The following SV2C variants were observed in gnomAD, a reference collection of about 807,000 sequenced individuals.
SV2C encodes the protein solute carrier family 22 member B3.
In SV2C, 49 loss-of-function variants were observed where a neutral mutation model predicts 79.7. The ratio of observed to expected loss-of-function variants is 0.61; its 90% CI spans 0.49 to 0.78. The LOEUF is 0.78. Among genes scored for constraint, SV2C ranks in the 30% least tolerant of loss-of-function variants. The pLI is 0.00. For missense variants in SV2C, 833 were observed against 912.9 expected (o/e 0.91, Z 1.13); for synonymous variants, 334 against 333.2 (o/e 1.00, Z -0.03).
At chr5:76,136,471 C>CT (rs955840173) in intron 2 of SV2C, among the ~76,000 whole-genome samples, 10 of 151,074 alleles carry the variant, frequency 6.6e-5, no homozygotes, top group Admixed American at 1.3e-4. Flanking sequence ...CATTCAGGAA[C>CT]TTTTTTTTTG....
chr5:75,928,592 T>C, the SV2C span, among the ~76,000 whole-genome samples: 654 of 152,318 alleles, frequency 4.3e-3, 1 homozygote, highest in African/African-American at 0.013. Context: ...TTTTTCCTCC[T>C]CAACCTTAGA....
chr5:75,945,927 G>A, the SV2C span, among the ~76,000 whole-genome samples: 1 of 151,958 alleles, frequency 6.6e-6, no homozygotes, highest in South Asian at 2.1e-4. Flanking sequence ...GGCAGGAAAG[G>A]CAGTGCTGAT....
chr5:76,318,435 A>G (rs185487251), intron 12 of SV2C, among the ~76,000 whole-genome samples: 61 of 152,190 alleles, frequency 4.0e-4, no homozygotes, highest in South Asian at 3.3e-3. Flanking sequence ...AAGAAAGAAA[A>G]AAAAAACAGC....
At chr5:75,876,866 G>T in the SV2C span, among the ~76,000 whole-genome samples, 1 of 151,808 alleles carries the variant, frequency 6.6e-6, no homozygotes, top group Non-Finnish European at 1.5e-5. Context: ...GAAAAAGAAA[G>T]ATATGAAAGA....
intron 2 of SV2C, among the ~76,000 whole-genome samples, chr5:76,179,675 A>G (rs1156692003): frequency 6.6e-6 from 1 of 152,200 alleles, no homozygotes; most frequent in Non-Finnish European, 1.5e-5. Context: ...ATAAATCTCA[A>G]GTGTCAAGAA....
intron 2 of SV2C, among the ~76,000 whole-genome samples, chr5:76,162,529 T>C (rs552810848): frequency 2.0e-5 from 3 of 152,284 alleles, no homozygotes; most frequent in African/African-American, 7.2e-5. Flanking sequence ...ATTTGTTGAG[T>C]AGGAGGATTG....
At chr5:76,153,151 G>A (rs1334386234) in intron 2 of SV2C, among the ~76,000 whole-genome samples, 1 of 152,104 alleles carries the variant, frequency 6.6e-6, no homozygotes, top group Non-Finnish European at 1.5e-5. Flanking sequence ...CTATTTTGTA[G>A]GGACCCCGAG....
chr5:75,856,042 A>G, the SV2C span, among the ~76,000 whole-genome samples: 2 of 152,104 alleles, frequency 1.3e-5, no homozygotes, highest in Non-Finnish European at 2.9e-5. Context: ...TGAACGTGTA[A>G]GTTTATCTTC....
the SV2C span, chr5:75,911,200 C>T: frequency 1.0e-5 from 16 of 1,592,882 alleles, no homozygotes; most frequent in Non-Finnish European, 1.4e-5. Flanking sequence ...CTGCAATGGC[C>T]CTGCCCAGGC....
At chr5:76,315,069 C>T in intron 12 of SV2C, among the ~76,000 whole-genome samples, 1 of 151,998 alleles carries the variant, frequency 6.6e-6, no homozygotes, top group East Asian at 1.9e-4. Flanking sequence ...ACTTGGGATC[C>T]AGGGATTCCT....
At chr5:76,126,843 G>A (rs1440301522) in intron 1 of SV2C, among the ~76,000 whole-genome samples, 1 of 152,160 alleles carries the variant, frequency 6.6e-6, no homozygotes, top group Non-Finnish European at 1.5e-5. Flanking sequence ...GGGCTCTGGA[G>A]TAGCATTGCA....
At chr5:76,278,515 C>A (rs1275935865) in intron 4 of SV2C, among the ~76,000 whole-genome samples, 2 of 152,168 alleles carry the variant, frequency 1.3e-5, no homozygotes, top group Non-Finnish European at 2.9e-5. Context: ...TCCTAGGGGA[C>A]AACATTGAAA....
At chr5:76,291,388 C>T in intron 7 of SV2C, 57 bp downstream of exon 7, 1 of 1,421,646 alleles carries the variant, frequency 7.0e-7, no homozygotes, top group East Asian at 2.4e-5. Context: ...TGAGGTTAGT[C>T]AGAAGAGGGG....
At chr5:76,142,903 C>CTTTTTTGTTTTTTTTTTT (rs1749303040) in intron 2 of SV2C, among the ~76,000 whole-genome samples, 1 of 134,574 alleles carries the variant, frequency 7.4e-6, no homozygotes. Context: ...TTTTCTTTTC[C>CTTTTTTGTTTTTTTTTTT]TTTTTTTTTG....
chr5:76,302,933 T>C (rs748060218), intron 12 of SV2C, among the ~76,000 whole-genome samples: 23 of 152,350 alleles, frequency 1.5e-4, no homozygotes, highest in Non-Finnish European at 2.6e-4. Context: ...GATATCAATT[T>C]GCAACTGATC....
chr5:75,915,137 A>G, the SV2C span, among the ~76,000 whole-genome samples: 2 of 152,144 alleles, frequency 1.3e-5, no homozygotes, highest in Admixed American at 1.3e-4. Context: ...GGGAGTCACA[A>G]TTCAAAATAA....
chr5:75,883,374 A>G, the SV2C span, among the ~76,000 whole-genome samples: 1 of 145,470 alleles, frequency 6.9e-6, no homozygotes, highest in African/African-American at 2.8e-5. Context: ...TCATGCTGCT[A>G]TAGAGACACA....
the SV2C span, among the ~76,000 whole-genome samples, chr5:76,055,629 G>A: frequency 2.5e-4 from 38 of 152,280 alleles, no homozygotes; most frequent in East Asian, 7.3e-3. Flanking sequence ...CTATCCATGA[G>A]CATGGAATGT....
At chr5:76,109,395 A>T (rs1315949163) in intron 1 of SV2C, among the ~76,000 whole-genome samples, 1 of 152,234 alleles carries the variant, frequency 6.6e-6, no homozygotes, top group Non-Finnish European at 1.5e-5. Flanking sequence ...GATTATAGGG[A>T]AAACACCAAT....
Sources: allele counts gnomAD v4.1 joint callset (sites outside exome capture counted in the v4.1 genomes callset), GRCh38; gene constraint gnomAD v4.1.1; transcripts MANE v1.5; gene names NCBI Gene and HGNC (gene_info 2026-07-23, HGNC 2026-07-21).